The following SCNN1A variants were observed in gnomAD, a reference collection of about 807,000 sequenced individuals.
The protein encoded by SCNN1A is sodium channel epithelial 1 subunit alpha, also known as epithelial sodium channel subunit alpha.
SCNN1A carries 65 observed loss-of-function variants against 68.6 expected under a neutral mutation model. That is an observed-to-expected ratio of 0.95 (90% CI 0.78 to 1.16). The LOEUF (loss-of-function observed/expected upper bound fraction) is 1.16. Among genes scored for constraint, SCNN1A ranks in the 50% most tolerant of loss-of-function variants. The pLI is 0.00. For missense variants in SCNN1A, 880 were observed against 865.9 expected (o/e 1.02, Z -0.20); for synonymous variants, 357 against 353.3 (o/e 1.01, Z -0.12).
intron 4 of SCNN1A, among the ~76,000 whole-genome samples, 197 bp downstream of exon 4, chr12:6,361,854 T>G (rs1481547298): frequency 2.0e-5 from 3 of 152,236 alleles, no homozygotes; most frequent in Non-Finnish European, 4.4e-5. Flanking sequence ...GATCCAGCAG[T>G]GCAGGGAGCA....
At chr12:6,359,213 T>G (rs1272048488) in intron 4 of SCNN1A, among the ~76,000 whole-genome samples, 1 of 152,102 alleles carries the variant, frequency 6.6e-6, no homozygotes, top group African/African-American at 2.4e-5. Flanking sequence ...AATCACTAAA[T>G]TATACATATT....
At chr12:6,362,384 G>T in intron 3 of SCNN1A, 143 bp from the exon 4 acceptor site, 1 of 769,862 alleles carries the variant, frequency 1.3e-6, no homozygotes, top group Middle Eastern at 3.0e-4. Context: ...AGACAGAAGT[G>T]GAAGAGAAGC....
intron 4 of SCNN1A, among the ~76,000 whole-genome samples, chr12:6,359,795 G>A (rs1204945317): frequency 2.5e-5 from 3 of 121,090 alleles, no homozygotes; most frequent in Non-Finnish European, 4.9e-5. Flanking sequence ...TTTTCAGATG[G>A]AGTCTTGCTC....
At chr12:6,350,403 T>C (rs1202963300) in intron 8 of SCNN1A, among the ~76,000 whole-genome samples, 8 of 142,742 alleles carry the variant, frequency 5.6e-5, no homozygotes, top group East Asian at 2.1e-4. Context: ...TTGCACACTC[T>C]AGCCTGGGCG....
chr12:6,362,385 G>T, intron 3 of SCNN1A, 144 bp from the exon 4 acceptor site: 1 of 767,076 alleles, frequency 1.3e-6, no homozygotes, highest in Non-Finnish European at 2.3e-6. Context: ...GACAGAAGTG[G>T]AAGAGAAGCA....
At chr12:6,367,290 A>G (rs1372493902) in intron 2 of SCNN1A, among the ~76,000 whole-genome samples, 4 of 152,228 alleles carry the variant, frequency 2.6e-5, no homozygotes, top group Non-Finnish European at 5.9e-5. Context: ...AGCACTTACT[A>G]TGAGCCAGGA....
At position 6,347,955 on chromosome 12, in the gene SCNN1A, G is replaced by A; in HGVS notation, c.1928C>T (p.Ala643Val). ...TGGGCGGGGGCCCAGGGTGGCATAGGCAGGGGGAGGGGCTGTCAAGGCTGG... is the reference window on the plus strand; with the variant it reads ...TGGGCGGGGGCCCAGGGTGGCATAGACAGGGGGAGGGGCTGTCAAGGCTGG... The part of the protein sequence containing the change: ...PSPALTAPPP[A>V]YATLGPRPSP... The change falls in exon 13 of 13, where the codon GCC becomes GTC. Residue 643 changes from alanine to valine, a missense_variant. This residue lies in a region of SCNN1A where 758 missense variants were observed against 721.8 expected (regional missense o/e 1.05). Coordinates refer to ENST00000228916, the MANE Select transcript of SCNN1A (RefSeq NM_001038.6). 1.3e-6 allele frequency: 2 copies of A among 1,567,856 alleles called. No homozygotes were observed. The highest frequency in any genetic ancestry group is 1.7e-6 in the Non-Finnish European group (2 of 1,152,106).
upstream of SCNN1A, among the ~76,000 whole-genome samples, chr12:6,376,996 G>T (rs72645153): frequency 3.2e-3 from 483 of 152,122 alleles, 2 homozygotes; most frequent in African/African-American, 0.011. Flanking sequence ...ATTTCTCAGA[G>T]ATAAGACATA....
intron 2 of SCNN1A, among the ~76,000 whole-genome samples, chr12:6,364,672 G>A (rs1948645787): frequency 6.6e-6 from 1 of 151,760 alleles, no homozygotes; most frequent in Admixed American, 6.6e-5. Flanking sequence ...TGAGGCAGGA[G>A]AATGGTGTGA....
chr12:6,347,516 G>A lies in SCNN1A; in HGVS notation c.*357C>T. ...TGCATGCCTGCGTGTACCCTTGGTT[G>A]TGTTTTGTCCTGGTTATCAGCGGTT... On this transcript the variant is annotated 3_prime_UTR_variant, in exon 13 of 13. Transcript: ENST00000228916. 3.1e-6 allele frequency: 1 copy of A among 317,972 alleles called. No individual in the cohort carries two copies. Among genetic ancestry groups the A allele is most frequent in the African/African-American group, 2.1e-5 (1 of 47,440 alleles). 19.7% of individuals were successfully genotyped at this position (317,972 alleles called of 1,614,324 possible).
At chr12:6,366,111 C>T (rs1354941764) in intron 2 of SCNN1A, among the ~76,000 whole-genome samples, 1 of 152,126 alleles carries the variant, frequency 6.6e-6, no homozygotes, top group Non-Finnish European at 1.5e-5. Context: ...GTCTCGGCCT[C>T]CCAATGTGTT....
intron 8 of SCNN1A, among the ~76,000 whole-genome samples, chr12:6,350,185 C>A (rs1948356404): frequency 6.6e-6 from 1 of 150,832 alleles, no homozygotes; most frequent in African/African-American, 2.4e-5. Flanking sequence ...GTAATCCCAG[C>A]ACTTTGGGAG....
rs1355134758 is a variant in SCNN1A at position 6,347,754 on chromosome 12, A to G, written c.*119T>C. On this transcript the variant is annotated 3_prime_UTR_variant, in exon 13 of 13. Transcript: ENST00000228916. Reference sequence around the variant, plus strand: ...TACCCATCTTGCTTCCCCTCCACACATCAACGGCAGTTTGGGCGGCTCTGA... The same window carrying G: ...TACCCATCTTGCTTCCCCTCCACACGTCAACGGCAGTTTGGGCGGCTCTGA... 2.3e-6 allele frequency: 2 copies of G among 865,274 alleles called. No homozygotes were observed. The highest frequency in any genetic ancestry group is 1.7e-5 in the African/African-American group (1 of 59,744). 53.6% of individuals were successfully genotyped at this position (865,274 alleles called of 1,614,324 possible).
At position 6,354,696 on chromosome 12, in the gene SCNN1A, G is replaced by A. The variant is rs11614164; in HGVS notation, c.1242+54C>T. 0.58 allele frequency: 881,243 copies of A among 1,520,980 alleles called. 261,434 individuals are homozygous for A. The highest frequency in any genetic ancestry group is 0.85 in the African/African-American group (61,774 of 73,062). The allele number at this position is 1,520,980 out of a possible 1,614,324, so 94.2% of individuals were successfully genotyped here. A position where few individuals can be genotyped will look rare whatever the true frequency, so the allele number is the denominator to read the frequency against. ...TACACAACCCCTCCAGCTTTGCAGG[G>A]CCAGCCAGGGCAGTGGCTGGGAGTG... On this transcript the variant is annotated intron_variant, in intron 7 of 12. Transcript: ENST00000228916.
chr12:6,364,761 CAA>C (rs34075843), intron 2 of SCNN1A, among the ~76,000 whole-genome samples: 150 of 127,898 alleles, frequency 1.2e-3, no homozygotes, highest in African/African-American at 2.9e-3. Context: ...GACTCCGTCT[CAA>C]AAAAAAAAAA....
chr12:6,364,359 A>C (rs1948639553), intron 2 of SCNN1A, among the ~76,000 whole-genome samples: 1 of 152,206 alleles, frequency 6.6e-6, no homozygotes, highest in Non-Finnish European at 1.5e-5. Context: ...ATGAAAGTCC[A>C]GAGTAGCAGG....
rs1948265449 is a variant in SCNN1A at position 6,346,905 on chromosome 12, T to A, written c.*968A>T. 1 of 152,610 alleles carries A rather than the reference T, an allele frequency of 6.6e-6. No individual in the cohort carries two copies. The highest frequency in any genetic ancestry group is 6.5e-5 in the Admixed American group (1 of 15,278). 9.5% of individuals were successfully genotyped at this position (152,610 alleles called of 1,614,324 possible). On this transcript the variant is annotated 3_prime_UTR_variant, in exon 13 of 13. Coordinates refer to ENST00000228916, the MANE Select transcript of SCNN1A (RefSeq NM_001038.6). ...ACTTGCTCCAAGCAGGATGATGGGC[T>A]AGACATGGAGCATACATAAACGGGC...
chr12:6,353,812 A>G (rs1055909959), intron 8 of SCNN1A: 8 of 142,348 alleles, frequency 5.6e-5, no homozygotes, highest in South Asian at 2.3e-4. Context: ...GATGGTCTCC[A>G]TCTCCTGACC....
chr12:6,349,917 G>A (rs1948348644), intron 8 of SCNN1A: 2 of 175,836 alleles, frequency 1.1e-5, no homozygotes, highest in South Asian at 1.0e-4. Context: ...TAGTAGAGAT[G>A]GGGTTTCTCT....
Sources: gnomAD v4.1 joint callset for allele counts (sites outside exome capture counted in the v4.1 genomes callset) on GRCh38, gnomAD v4.1.1 for gene constraint, gnomAD v4.1.1 regional missense constraint, MANE v1.5 for transcripts, NCBI Gene and HGNC (gene_info 2026-07-23, HGNC 2026-07-21) for gene names.